The following SPAG17 variants were observed in gnomAD, a reference collection of about 807,000 sequenced individuals.
SPAG17 encodes sperm associated antigen 17.
SPAG17 carries 169 observed loss-of-function variants against 273.6 expected under a neutral mutation model. The ratio of observed to expected loss-of-function variants is 0.62; its 90% CI spans 0.55 to 0.70. The LOEUF (loss-of-function observed/expected upper bound fraction) is 0.70, where lower values mean the gene tolerates loss of function less well. SPAG17 is among the 30% of genes least tolerant of loss of function. SPAG17 has a pLI of 0.00. For missense variants in SPAG17, 2,557 were observed against 2,627.8 expected, an observed-to-expected ratio of 0.97 and a Z score of 0.59; for synonymous variants, 825 against 873.2, an observed-to-expected ratio of 0.94 and a Z score of 0.97.
In SPAG17 at chr1:118,032,398, C is replaced by G. The variant is rs150742700; in HGVS notation, c.3434-531G>C. On this transcript the variant is annotated intron_variant, in intron 24 of 48. Transcript: ENST00000336338. ...ACACTTGCTGGGTTTTAAGGGATTA[C>G]CAGAATTCTAAAAGGAGAGCTCATG... 7.2e-5 allele frequency among the ~76,000 whole-genome samples: 11 copies of G among 151,998 alleles called. No homozygotes were observed. The East Asian group carries it at 2.1e-3, about 29-fold the overall frequency.
At chr1:118,173,202 A>G (rs955332889) in intron 1 of SPAG17, among the ~76,000 whole-genome samples, 1 of 152,046 alleles carries the variant, frequency 6.6e-6, no homozygotes, top group African/African-American at 2.4e-5. Flanking sequence ...CTAACAAATG[A>G]ATGACCAATC....
chr1:118,101,760 TCGTCTTCTCCTCTCCG>T lies in SPAG17; in HGVS notation c.598_613del (p.Arg200ThrfsTer20). Reference sequence around the variant, plus strand: ...CTGACCAATGTAACGATTGGTGTGGTCGTCTTCTCCTCTCCGCTTTAACTGGGTGGTCTTTTTCACT... The same window carrying T: ...CTGACCAATGTAACGATTGGTGTGGTCTTTAACTGGGTGGTCTTTTTCACT... On this transcript the variant is annotated frameshift_variant, in exon 5 of 49. Coordinates refer to ENST00000336338, the MANE Select transcript of SPAG17 (RefSeq NM_206996.4). LOFTEE classifies it high-confidence loss of function. 6.2e-7 allele frequency: 1 copy of T among 1,613,662 alleles called. No homozygotes were observed. The highest frequency in any genetic ancestry group is 2.2e-5 in the East Asian group (1 of 44,866).
chr1:118,115,476 T>A, intron 3 of SPAG17, 35 bp from the exon 4 acceptor site: 1 of 1,589,924 alleles, frequency 6.3e-7, no homozygotes, highest in Non-Finnish European at 8.6e-7. Context: ...AAAAGTGATG[T>A]TTTATAACCT....
At position 118,008,991 on chromosome 1, in the gene SPAG17, C is replaced by G. The variant is rs189130945; in HGVS notation, c.4433-793G>C. Among the ~76,000 whole-genome samples, 13 of 152,182 alleles carry G rather than the reference C, an allele frequency of 8.5e-5. No homozygotes were observed. The East Asian group carries it at 2.5e-3, about 29-fold the overall frequency. On this transcript the variant is annotated intron_variant, in intron 30 of 48. Coordinates refer to ENST00000336338, the MANE Select transcript of SPAG17 (RefSeq NM_206996.4). The stretch of plus-strand genomic sequence containing the variant: ...ATACTCAATGCTGCAAGTCACTCCT[C>G]TGTATTTGTTTCCTTGTGCAAATGT...
chr1:118,008,909 T>C (rs1659182829), intron 30 of SPAG17, among the ~76,000 whole-genome samples: 1 of 152,156 alleles, frequency 6.6e-6, no homozygotes, highest in Non-Finnish European at 1.5e-5. Flanking sequence ...TTTACCACAT[T>C]TTGTTTTTCT....
At chr1:118,174,147 T>C (rs1388030060) in intron 1 of SPAG17, among the ~76,000 whole-genome samples, 1 of 151,920 alleles carries the variant, frequency 6.6e-6, no homozygotes, top group African/African-American at 2.4e-5. Flanking sequence ...ACACATTGGA[T>C]TTACAAGACA....
intron 30 of SPAG17, among the ~76,000 whole-genome samples, chr1:118,009,440 T>C (rs1188851313): frequency 2.0e-5 from 3 of 152,140 alleles, no homozygotes; most frequent in African/African-American, 7.2e-5. Flanking sequence ...TCATTAAAAA[T>C]ATTTCTTAAA....
chr1:118,121,597 A>T (rs550489146), intron 3 of SPAG17, among the ~76,000 whole-genome samples: 1 of 152,254 alleles, frequency 6.6e-6, no homozygotes, highest in South Asian at 2.1e-4. Context: ...TGAGAATCTA[A>T]TGTCTGATGA....
At chr1:118,104,322 G>A (rs1656257247) in intron 4 of SPAG17, among the ~76,000 whole-genome samples, 1 of 152,150 alleles carries the variant, frequency 6.6e-6, no homozygotes, top group Admixed American at 6.6e-5. Flanking sequence ...GGTGGTTGAT[G>A]GTGTCACAGA....
At chr1:118,087,146 G>A in intron 10 of SPAG17, 138 bp from the exon 11 acceptor site, 2 of 859,394 alleles carry the variant, frequency 2.3e-6, no homozygotes, top group Non-Finnish European at 3.3e-6. Context: ...ACACAAAATG[G>A]CAGGAAACTA....
chr1:117,978,157 C>T (rs1571125146), intron 43 of SPAG17, among the ~76,000 whole-genome samples: 1 of 152,340 alleles, frequency 6.6e-6, no homozygotes, highest in Non-Finnish European at 1.5e-5. Context: ...CAACACTTCA[C>T]CTTACACAAG....
chr1:118,101,649 C>A (rs1314165674), intron 5 of SPAG17, 91 bp downstream of exon 5: 10 of 1,288,354 alleles, frequency 7.8e-6, no homozygotes, highest in South Asian at 1.4e-5. Context: ...AAACTATGCG[C>A]TCTATGTGAG....
chr1:117,991,937 T>C (rs1657139857), intron 36 of SPAG17, among the ~76,000 whole-genome samples: 1 of 152,234 alleles, frequency 6.6e-6, no homozygotes, highest in Non-Finnish European at 1.5e-5. Context: ...ACTTTATTTT[T>C]TTCATAAGTA....
At chr1:118,027,682 A>C (rs1444380815) in intron 26 of SPAG17, among the ~76,000 whole-genome samples, 1 of 152,256 alleles carries the variant, frequency 6.6e-6, no homozygotes, top group Non-Finnish European at 1.5e-5. Flanking sequence ...CAGATGCCTC[A>C]TCAGGTTAAT....
chr1:118,074,358 A>G (rs1232540160), intron 16 of SPAG17, among the ~76,000 whole-genome samples, 181 bp downstream of exon 16: 1 of 152,150 alleles, frequency 6.6e-6, no homozygotes, highest in Non-Finnish European at 1.5e-5. Context: ...CCGCCTAGCA[A>G]TATTAACTCC....
At chr1:118,029,323 CT>C in intron 25 of SPAG17, among the ~76,000 whole-genome samples, 1 of 152,294 alleles carries the variant, frequency 6.6e-6, no homozygotes, top group Non-Finnish European at 1.5e-5. Context: ...TTCACAGCCT[CT>C]TGAACTGTGA....
At chr1:118,148,126 C>T (rs183959180) in intron 3 of SPAG17, among the ~76,000 whole-genome samples, 4 of 152,254 alleles carry the variant, frequency 2.6e-5, no homozygotes, top group South Asian at 4.1e-4. Flanking sequence ...TATCTTTTAT[C>T]TCTTCTCCCA....
intron 30 of SPAG17, among the ~76,000 whole-genome samples, chr1:118,011,736 T>C (rs1000521909): frequency 7.2e-5 from 11 of 151,796 alleles, no homozygotes; most frequent in Non-Finnish European, 1.2e-4. Context: ...AATGAATACA[T>C]AAATAAAACA....
intron 3 of SPAG17, among the ~76,000 whole-genome samples, chr1:118,140,687 T>A (rs892807121): frequency 1.3e-5 from 2 of 152,188 alleles, no homozygotes; most frequent in African/African-American, 2.4e-5. Context: ...GCCACCTGGA[T>A]ACCCCCAGTG....
Sources: gnomAD v4.1 joint callset for allele counts (sites outside exome capture counted in the v4.1 genomes callset) on GRCh38, gnomAD v4.1.1 for gene constraint, MANE v1.5 for transcripts, NCBI Gene and HGNC (gene_info 2026-07-23, HGNC 2026-07-21) for gene names.